The following WWOX variants were observed in gnomAD, a reference collection of about 807,000 sequenced individuals.
The protein encoded by WWOX is WW domain-containing oxidoreductase.
Under a neutral mutation model 46.2 loss-of-function variants are expected in WWOX, and 69 were observed. That is an observed-to-expected ratio of 1.49 (90% CI 1.23 to 1.82). The LOEUF (loss-of-function observed/expected upper bound fraction) is 1.82. Ranked by LOEUF, WWOX falls within the 40% of genes most tolerant of loss-of-function variation. The probability of loss-of-function intolerance (pLI) is 0.00; values close to 1 mark genes in which losing one functional copy is unlikely to be tolerated. For missense variants in WWOX, 919 were observed against 542.6 expected, an observed-to-expected ratio of 1.69 and a Z score of -6.89; for synonymous variants, 359 against 202.6, an observed-to-expected ratio of 1.77 and a Z score of -6.56.
chr16:78,271,141 G>A (rs573415810), intron 5 of WWOX, among the ~76,000 whole-genome samples: 1 of 152,272 alleles, frequency 6.6e-6, no homozygotes, highest in South Asian at 2.1e-4. Flanking sequence ...GAATACATCT[G>A]TGGACGCTGT....
intron 8 of WWOX, among the ~76,000 whole-genome samples, chr16:78,682,894 T>C (rs1597440252): frequency 1.3e-5 from 2 of 152,158 alleles, no homozygotes. Context: ...TGTAGGTGTT[T>C]TGCAAAAACA....
chr16:79,024,302 A>G (rs2047593588), intron 8 of WWOX, among the ~76,000 whole-genome samples: 1 of 152,186 alleles, frequency 6.6e-6, no homozygotes, highest in Admixed American at 6.5e-5. Context: ...GCTGCTGCGT[A>G]GGTTGTGGTG....
intron 6 of WWOX, among the ~76,000 whole-genome samples, chr16:78,412,481 G>T (rs984591573): frequency 6.6e-6 from 1 of 152,186 alleles, no homozygotes; most frequent in Non-Finnish European, 1.5e-5. Flanking sequence ...GGAAGAAACT[G>T]CTGCAGGGAA....
At chr16:78,430,946 C>T (rs1488686760) in intron 7 of WWOX, among the ~76,000 whole-genome samples, 2 of 152,128 alleles carry the variant, frequency 1.3e-5, no homozygotes, top group Non-Finnish European at 2.9e-5. Context: ...TTTCATTTTA[C>T]CTTTTGCTTT....
intron 8 of WWOX, among the ~76,000 whole-genome samples, chr16:78,800,852 G>C (rs1031202943): frequency 1.1e-4 from 17 of 152,032 alleles, no homozygotes; most frequent in African/African-American, 3.9e-4. Context: ...GACAGATTGT[G>C]GTCAGTCAAC....
At chr16:78,747,631 C>T (rs1282941025) in intron 8 of WWOX, among the ~76,000 whole-genome samples, 1 of 152,122 alleles carries the variant, frequency 6.6e-6, no homozygotes, top group Non-Finnish European at 1.5e-5. Flanking sequence ...CCTGCCTCTC[C>T]TCACCCACTC....
intron 8 of WWOX, among the ~76,000 whole-genome samples, chr16:78,470,535 T>C (rs776114407): frequency 2.6e-5 from 4 of 151,910 alleles, no homozygotes; most frequent in African/African-American, 9.7e-5. Flanking sequence ...TATGCATGTA[T>C]GTATGTATGT....
intron 8 of WWOX, among the ~76,000 whole-genome samples, chr16:79,083,316 C>G (rs1019157064): frequency 1.3e-5 from 2 of 152,194 alleles, no homozygotes; most frequent in Admixed American, 6.5e-5. Flanking sequence ...GTGGTTCACC[C>G]TGACCCCTTC....
chr16:78,696,144 A>C (rs2048094043), intron 8 of WWOX, among the ~76,000 whole-genome samples: 1 of 152,164 alleles, frequency 6.6e-6, no homozygotes, highest in South Asian at 2.1e-4. Context: ...GGGAATCAGA[A>C]ATACGGTGTC....
At chr16:78,548,175 AAAAT>A (rs2044089187) in intron 8 of WWOX, among the ~76,000 whole-genome samples, 2 of 49,462 alleles carry the variant, frequency 4.0e-5, no homozygotes, top group Non-Finnish European at 5.5e-5. Flanking sequence ...AAAAAAAAAA[AAAAT>A]TACGAATTTT....
At chr16:78,529,676 G>C (rs567677135) in intron 8 of WWOX, among the ~76,000 whole-genome samples, 30 of 151,738 alleles carry the variant, frequency 2.0e-4, no homozygotes, top group South Asian at 6.3e-4. Flanking sequence ...ACCGTGTTAG[G>C]CAGGATGGTC....
At chr16:78,165,159 G>A (rs1361093513) in intron 5 of WWOX, among the ~76,000 whole-genome samples, 1 of 152,198 alleles carries the variant, frequency 6.6e-6, no homozygotes, top group Non-Finnish European at 1.5e-5. Context: ...TAGCGGTGAG[G>A]AAGACATTAG....
chr16:78,380,845 A>G (rs768007517), intron 5 of WWOX, among the ~76,000 whole-genome samples: 3 of 152,176 alleles, frequency 2.0e-5, no homozygotes, highest in Non-Finnish European at 4.4e-5. Flanking sequence ...AGTTATTAAT[A>G]TGCATTATTA....
At chr16:78,845,083 C>G (rs1167211195) in intron 8 of WWOX, among the ~76,000 whole-genome samples, 1 of 151,088 alleles carries the variant, frequency 6.6e-6, no homozygotes, top group Non-Finnish European at 1.5e-5. Flanking sequence ...GGGTCGTTGT[C>G]TCCTCCTATT....
At chr16:78,476,175 G>A (rs1033042778) in intron 8 of WWOX, among the ~76,000 whole-genome samples, 9 of 152,254 alleles carry the variant, frequency 5.9e-5, no homozygotes, top group Non-Finnish European at 1.3e-4. Flanking sequence ...TCTAACTGGT[G>A]TGAGATGGTA....
intron 8 of WWOX, among the ~76,000 whole-genome samples, chr16:78,452,320 T>G (rs1296249920): frequency 1.3e-5 from 2 of 152,200 alleles, no homozygotes; most frequent in Non-Finnish European, 2.9e-5. Context: ...TACTGTCATA[T>G]GATTCACATG....
At chr16:79,154,084 G>T (rs1213721797) in intron 8 of WWOX, among the ~76,000 whole-genome samples, 2 of 152,148 alleles carry the variant, frequency 1.3e-5, no homozygotes, top group African/African-American at 2.4e-5. Context: ...CATGCTGAGT[G>T]GATGCATCAT....
chr16:78,862,483 T>TAC (rs897889661), intron 8 of WWOX, among the ~76,000 whole-genome samples: 1 of 151,904 alleles, frequency 6.6e-6, no homozygotes, highest in Non-Finnish European at 1.5e-5. Flanking sequence ...CACAAGTGCA[T>TAC]ACACACACAC....
chr16:78,197,748 T>C (rs2036100228), intron 5 of WWOX, among the ~76,000 whole-genome samples: 1 of 152,100 alleles, frequency 6.6e-6, no homozygotes. Context: ...TGTCTTCACT[T>C]GACAAATGAG....
Sources: allele counts gnomAD v4.1 joint callset (sites outside exome capture counted in the v4.1 genomes callset), GRCh38; gene constraint gnomAD v4.1.1; transcripts MANE v1.5; gene names NCBI Gene and HGNC (gene_info 2026-07-23, HGNC 2026-07-21).